The following SLC39A6 variants were observed in gnomAD, a reference collection of about 807,000 sequenced individuals.
The protein encoded by SLC39A6 is solute carrier family 39 member 6.
Under a neutral mutation model 63.5 loss-of-function variants are expected in SLC39A6, and 51 were observed. The ratio of observed to expected loss-of-function variants is 0.80; its 90% confidence interval spans 0.64 to 1.01. SLC39A6 has a LOEUF of 1.01. SLC39A6 is among the 50% of genes least tolerant of loss of function. The pLI is 0.00. For missense variants in SLC39A6, 805 were observed against 927.8 expected (o/e 0.87, Z 1.72); for synonymous variants, 318 against 324.7 (o/e 0.98, Z 0.22).
At position 36,111,249 on chromosome 18, in the gene SLC39A6, C is replaced by G. The variant is rs763112204; in HGVS notation, c.1925G>C (p.Gly642Ala). 1 of 1,610,476 alleles carries G rather than the reference C, an allele frequency of 6.2e-7. No homozygotes were observed. The highest frequency in any genetic ancestry group is 1.3e-5 in the African/African-American group (1 of 74,676). ...VFCHELPHEL[G>A]DFAVLLKAGM... ...AGCCTTTAGTAGAACAGCAAAGTCA[C>G]CTTTAACAGAAAACAAAAAAGGAGG... is the stretch of plus-strand genomic sequence containing the variant. The change falls in exon 9 of 10, where the codon GGT becomes GCT. Residue 642 changes from glycine to alanine, a missense_variant and splice_region_variant. By Grantham distance (60) the Gly-to-Ala change is moderately conservative. Coordinates refer to ENST00000269187, the MANE Select transcript of SLC39A6 (RefSeq NM_012319.4).
In SLC39A6 at chr18:36,108,582, CCA is replaced by C. The variant is rs1164620259; in HGVS notation, c.*1009_*1010del. The C allele has an allele frequency of 2.0e-5, 3 of 152,054 alleles. No individual in the cohort carries two copies. Among genetic ancestry groups the C allele is most frequent in the Admixed American group, 6.5e-5 (1 of 15,270 alleles). 9.4% of individuals were successfully genotyped at this position (152,054 alleles called of 1,614,324 possible). On this transcript the variant is annotated 3_prime_UTR_variant, in exon 10 of 10. Transcript: ENST00000269187. ...GTAAAAAAGAAACATCTAGAGAATG[CCA>C]CAGACAGGCCTAGTATGGCTACAGT...
At chr18:36,128,971 TC>T in intron 1 of SLC39A6, 142 bp downstream of exon 1, 4 of 150,790 alleles carry the variant, frequency 2.7e-5, no homozygotes, top group Non-Finnish European at 5.9e-5. Flanking sequence ...TGCGGCGGGC[TC>T]CCCCCAGCAT....
Position 36,114,327 on chromosome 18 carries a change from T to C in SLC39A6, c.1613A>G (p.Asn538Ser). The change falls in exon 7 of 10, where the codon AAT (asparagine) becomes AGT (serine). Residue 538 changes from asparagine to serine, a missense_variant. Coordinates refer to ENST00000269187, the MANE Select transcript of SLC39A6 (RefSeq NM_012319.4). ...ATCGTGGAAATGTGAATGGCATTTA[T>C]TCTTGCACCCTCTGGGTACATATTC... ...YNEYVPRGCK[N>S]KCHSHFHDTL... 1.2e-6 allele frequency: 2 copies of C among 1,614,216 alleles called. No individual in the cohort carries two copies. Among genetic ancestry groups the C allele is most frequent in the Non-Finnish European group, 1.7e-6 (2 of 1,180,038 alleles).
intron 7 of SLC39A6, 22 bp from the exon 8 acceptor site, chr18:36,112,603 A>G (rs374978969): frequency 4.6e-4 from 727 of 1,585,926 alleles, no homozygotes; most frequent in Non-Finnish European, 3.4e-4. Context: ...TCAATCAGAA[A>G]AAGTTTGGCT....
At chr18:36,115,245 T>A (rs1428180879) in intron 6 of SLC39A6, among the ~76,000 whole-genome samples, 4 of 151,910 alleles carry the variant, frequency 2.6e-5, no homozygotes, top group Non-Finnish European at 4.4e-5. Context: ...ATCGAGACCA[T>A]CCTGGCTAAC....
rs1440402424 is a variant in SLC39A6 at position 36,108,966 on chromosome 18, A to G, written c.*627T>C. 6.6e-6 allele frequency: 1 copy of G among 152,236 alleles called. No individual in the cohort carries two copies. The highest frequency in any genetic ancestry group is 1.5e-5 in the Non-Finnish European group (1 of 68,030). 9.4% of individuals were successfully genotyped at this position (152,236 alleles called of 1,614,324 possible). ...CTGTATTATACAAAGTTAAATGTAC[A>G]ACTAAATTAGTATATGAAAAGTGCT... On this transcript the variant is annotated 3_prime_UTR_variant, in exon 10 of 10. Transcript: ENST00000269187.
rs186840792 is a variant in SLC39A6 at position 36,111,256 on chromosome 18, C to G, written c.1925-7G>C. ...AGTAGAACAGCAAAGTCACCTTTAA[C>G]AGAAAACAAAAAAGGAGGAAAAAGT... is the stretch of plus-strand genomic sequence containing the variant. On this transcript the variant is annotated splice_polypyrimidine_tract_variant and splice_region_variant and intron_variant, in intron 8 of 9. Coordinates refer to ENST00000269187, the MANE Select transcript of SLC39A6 (RefSeq NM_012319.4). The G allele has an allele frequency of 3.3e-4, 523 of 1,606,972 alleles. 5 individuals carry two copies. The South Asian group carries it at 3.7e-3, about 11-fold the overall frequency.
intron 5 of SLC39A6, among the ~76,000 whole-genome samples, 178 bp from the exon 6 acceptor site, chr18:36,116,957 G>A (rs977395160): frequency 3.9e-5 from 6 of 152,176 alleles, no homozygotes; most frequent in East Asian, 1.9e-4. Context: ...GCATACTCCC[G>A]GCCAGGCGCG....
At chr18:36,115,208 G>C (rs181964917) in intron 6 of SLC39A6, among the ~76,000 whole-genome samples, 1 of 152,176 alleles carries the variant, frequency 6.6e-6, no homozygotes, top group Non-Finnish European at 1.5e-5. Context: ...TTGGGAGGCA[G>C]AGGTGGGCGG....
At chr18:36,119,020 A>T (rs952873773) in intron 5 of SLC39A6, among the ~76,000 whole-genome samples, 1 of 152,220 alleles carries the variant, frequency 6.6e-6, no homozygotes, top group East Asian at 1.9e-4. Flanking sequence ...CTTCACTAGC[A>T]GAAGGTGAAC....
intron 5 of SLC39A6, among the ~76,000 whole-genome samples, chr18:36,119,588 C>T (rs771818099): frequency 2.2e-4 from 33 of 149,944 alleles, no homozygotes; most frequent in Non-Finnish European, 8.8e-5. Context: ...TTGGTTATGA[C>T]ATACAGATTG....
At position 36,126,519 on chromosome 18, in the gene SLC39A6, C is replaced by T; in HGVS notation, c.489G>A (p.Gly163=). Residue 163 remains glycine (G), a synonymous_variant, in exon 2 of 10, where the codon GGG becomes GGA. Coordinates refer to ENST00000269187, the MANE Select transcript of SLC39A6 (RefSeq NM_012319.4). The stretch of plus-strand genomic sequence containing the variant: ...CATGTTCTGGTCGGTGAGCTCCTTT[C>T]CCCTGGCTGTTTCTAGGATCTTTAC... The part of the protein sequence containing the change: ...SSGKDPRNSQ[G]KGAHRPEHAS... 6.2e-7 allele frequency: 1 copy of T among 1,614,228 alleles called. No individual in the cohort carries two copies. The highest frequency in any genetic ancestry group is 8.5e-7 in the Non-Finnish European group (1 of 1,180,038).
chr18:36,112,594 C>G lies in SLC39A6; in HGVS notation c.1844-13G>C. 1 of 1,606,420 alleles carries G rather than the reference C, an allele frequency of 6.2e-7. No individual in the cohort carries two copies. Among genetic ancestry groups the G allele is most frequent in the Non-Finnish European group, 8.5e-7 (1 of 1,174,352 alleles). ...GTAAAAGCAGCACCTGTGTAAAAAT[C>G]AATCAGAAAAAGTTTGGCTACATTA... On this transcript the variant is annotated splice_polypyrimidine_tract_variant and intron_variant, in intron 7 of 9. Coordinates refer to ENST00000269187, the MANE Select transcript of SLC39A6 (RefSeq NM_012319.4).
intron 4 of SLC39A6, 76 bp downstream of exon 4, chr18:36,123,419 A>G: frequency 1.5e-6 from 2 of 1,332,344 alleles, no homozygotes; most frequent in Non-Finnish European, 2.0e-6. Context: ...TATACAAAAA[A>G]TTCTAGCATA....
chr18:36,122,082 C>T lies in SLC39A6; in HGVS notation c.1329G>A (p.Leu443=). 1 of 1,613,078 alleles carries T rather than the reference C, an allele frequency of 6.2e-7. No individual in the cohort carries two copies. The highest frequency in any genetic ancestry group is 1.3e-5 in the African/African-American group (1 of 74,980). The part of the protein sequence containing the change: ...FMFLVEHVLT[L]IKQFKDKKKK... Reference sequence around the variant, plus strand: ...TCTTCTTATCTTTAAATTGTTTGATCAATGTGAGGACATGTTCAACAAGAA... The same window carrying T: ...TCTTCTTATCTTTAAATTGTTTGATTAATGTGAGGACATGTTCAACAAGAA... The change falls in exon 5 of 10, where the codon TTG becomes TTA. Residue 443 remains leucine (L), a synonymous_variant. Coordinates refer to ENST00000269187, the MANE Select transcript of SLC39A6 (RefSeq NM_012319.4).
intron 5 of SLC39A6, among the ~76,000 whole-genome samples, chr18:36,121,530 T>G (rs577850039): frequency 5.3e-5 from 8 of 152,274 alleles, no homozygotes; most frequent in African/African-American, 1.9e-4. Flanking sequence ...AAGTGGCAAA[T>G]TACCATAGGC....
chr18:36,109,727 T>C lies in SLC39A6; in HGVS notation c.2134A>G (p.Asn712Asp), dbSNP rs2089286255. 6 of 1,608,274 alleles carry C rather than the reference T, an allele frequency of 3.7e-6. No individual in the cohort carries two copies. The highest frequency in any genetic ancestry group is 4.2e-6 in the Non-Finnish European group (5 of 1,178,236). ...CTACATCCATGGTCACTAGCATCAT[T>C]GTGCAGCATTTCAGGTACCTTTAAA... Reference protein sequence around the residue: ...LVDMVPEMLHNDASDHGCSRW... With the variant: ...LVDMVPEMLHDDASDHGCSRW... The change falls in exon 10 of 10, where the codon AAT becomes GAT. Residue 712 changes from asparagine to aspartate, a missense_variant. By Grantham distance (23) the Asn-to-Asp change is conservative. Around this residue, in one of 4 missense-constraint regions of SLC39A6, gnomAD observed 145 missense variants for 227.2 expected, o/e 0.64. Transcript: ENST00000269187.
At chr18:36,123,990 A>C (rs2089415105) in intron 3 of SLC39A6, among the ~76,000 whole-genome samples, 1 of 152,016 alleles carries the variant, frequency 6.6e-6, no homozygotes, top group Non-Finnish European at 1.5e-5. Context: ...GAGCTTTCAG[A>C]CTCCCATAAG....
At chr18:36,115,744 A>C (rs1168583119) in intron 6 of SLC39A6, among the ~76,000 whole-genome samples, 3 of 152,106 alleles carry the variant, frequency 2.0e-5, no homozygotes. Context: ...AATGCGGGAG[A>C]GTGGTGGGCT....
Sources: allele counts gnomAD v4.1 joint callset (sites outside exome capture counted in the v4.1 genomes callset), GRCh38; gene constraint gnomAD v4.1.1; regional missense constraint gnomAD v4.1.1; transcripts MANE v1.5; gene names NCBI Gene and HGNC (gene_info 2026-07-23, HGNC 2026-07-21).